Variants in ZNF81 observed in about 807,000 individuals in gnomAD.
The protein encoded by ZNF81 is zinc finger protein 81, also known as zinc finger protein 81 (HFZ20).
Under a neutral mutation model 32.3 loss-of-function variants are expected in ZNF81, and 5 were observed. That is an observed-to-expected ratio of 0.15 (90% CI 0.08 to 0.33). The LOEUF (loss-of-function observed/expected upper bound fraction) is 0.33. ZNF81 is among the 10% of genes least tolerant of loss of function. ZNF81 has a pLI of 1.00. For synonymous variants in ZNF81, 163 were observed against 166.8 expected (o/e 0.98, Z 0.17); for missense variants, 379 against 479.8 (o/e 0.79, Z 1.96).
intron 2 of ZNF81, among the ~76,000 whole-genome samples, chrX:47,852,716 C>T (rs782633899): frequency 1.1e-4 from 12 of 112,730 alleles, no homozygotes; most frequent in Non-Finnish European, 2.1e-4. Flanking sequence ...TCTTGAACCC[C>T]TGAAAGTCAT....
At chrX:47,841,094 A>G in intron 1 of ZNF81, 1 of 860,492 alleles carries the variant, frequency 1.2e-6, no homozygotes, top group Admixed American at 2.2e-5. Flanking sequence ...CTCAAGAACC[A>G]TGAGATCTCC....
intron 3 of ZNF81, among the ~76,000 whole-genome samples, chrX:47,892,480 A>C (rs2058665913): frequency 8.9e-6 from 1 of 112,099 alleles, no homozygotes; most frequent in Admixed American, 9.4e-5. Context: ...CCCCTCCAAC[A>C]GTACAATTCT....
At chrX:47,886,869 T>C (rs1468925914) in intron 2 of ZNF81, among the ~76,000 whole-genome samples, 1 of 111,813 alleles carries the variant, frequency 8.9e-6, no homozygotes, top group East Asian at 2.8e-4. Context: ...CTTGGGTTGC[T>C]CCTTAGTATC....
At chrX:47,897,430 G>A (rs1295127630) in intron 4 of ZNF81, among the ~76,000 whole-genome samples, 1 of 111,775 alleles carries the variant, frequency 8.9e-6, no homozygotes, top group African/African-American at 3.3e-5. Flanking sequence ...TTATTAGTGA[G>A]TTTTAATATA....
intron 1 of ZNF81, among the ~76,000 whole-genome samples, chrX:47,845,639 G>T (rs1225352781): frequency 9.0e-6 from 1 of 111,680 alleles, no homozygotes; most frequent in African/African-American, 3.3e-5. Context: ...CTAATTCTGT[G>T]TGCATAAAAT....
In ZNF81 at chrX:47,924,384, G is replaced by A. The variant is rs1556892418; in HGVS notation, c.*7752G>A. Among the ~76,000 whole-genome samples, 1 of 111,511 alleles carries A rather than the reference G, an allele frequency of 9.0e-6. No homozygotes were observed. Among genetic ancestry groups the A allele is most frequent in the Non-Finnish European group, 1.9e-5 (1 of 53,017 alleles). On this transcript the variant is annotated 3_prime_UTR_variant, in exon 5 of 5. Transcript: ENST00000338637. ...ATTCTTTTTTTATTCTTGAAGTTAA[G>A]GATCTATGGAAGCATATGCTTTGGT...
intron 3 of ZNF81, among the ~76,000 whole-genome samples, chrX:47,891,870 C>T (rs2058663624): frequency 9.0e-6 from 1 of 111,696 alleles, no homozygotes; most frequent in South Asian, 3.7e-4. Flanking sequence ...CTTTGGGGAA[C>T]ACTGGGAGAA....
chrX:47,916,455 T>G lies in ZNF81; in HGVS notation c.1809T>G (p.Ile603Met). ...CACATCTCAAAGTACATCAACGAAT[T>G]CACACAGGGGAGAAACCATATATAT... is the stretch of plus-strand genomic sequence containing the variant. ...KKPHLKVHQR[I>M]HTGEKPYICA... is the part of the protein sequence containing the mutation. The change falls in exon 5 of 5, where the codon ATT becomes ATG. Residue 603 changes from isoleucine to methionine, a missense_variant. Transcript: ENST00000338637. 1 of 1,211,551 alleles carries G rather than the reference T, an allele frequency of 8.3e-7. No individual in the cohort carries two copies. Among genetic ancestry groups the G allele is most frequent in the Non-Finnish European group, 1.1e-6 (1 of 895,397 alleles).
Position 47,916,074 on chromosome X carries a change from G to A in ZNF81, c.1428G>A (p.Gly476=). The part of the protein sequence containing the change: ...GEKPYECSDC[G]KSFPSKSQLQ... The stretch of plus-strand genomic sequence containing the variant: ...AGCCTTATGAATGCAGTGACTGTGG[G>A]AAATCTTTCCCTTCTAAGTCACAAC... The change falls in exon 5 of 5, where the codon GGG becomes GGA. Residue 476 remains glycine (G), a synonymous_variant. Coordinates refer to ENST00000338637, the MANE Select transcript of ZNF81 (RefSeq NM_007137.5). 8.3e-7 allele frequency: 1 copy of A among 1,211,071 alleles called. No homozygotes were observed.
Position 47,846,223 on chromosome X carries a change from G to C in ZNF81, c.-45G>C, listed in dbSNP as rs1556880456. 2 of 1,193,562 alleles carry C rather than the reference G, an allele frequency of 1.7e-6. No homozygotes were observed. Among genetic ancestry groups the C allele is most frequent in the Admixed American group, 4.6e-5 (2 of 43,891 alleles). ...CCGATCCCACTGGAATTATAAAGTT[G>C]TCAGCAAGAAAGCCCCAGGGCTGAA... is the stretch of plus-strand genomic sequence containing the variant. On this transcript the variant is annotated 5_prime_UTR_variant, in exon 2 of 5. Coordinates refer to ENST00000338637, the MANE Select transcript of ZNF81 (RefSeq NM_007137.5).
rs1212036931 is a variant in ZNF81 at position 47,924,369 on chromosome X, T to A, written c.*7737T>A. 8.9e-6 allele frequency among the ~76,000 whole-genome samples: 1 copy of A among 112,283 alleles called. No individual in the cohort carries two copies. The highest frequency in any genetic ancestry group is 1.9e-5 in the Non-Finnish European group (1 of 53,218). On this transcript the variant is annotated 3_prime_UTR_variant, in exon 5 of 5. Coordinates refer to ENST00000338637, the MANE Select transcript of ZNF81 (RefSeq NM_007137.5). ...CCTTTCTGCCATATGATTCTTTTTT[T>A]ATTCTTGAAGTTAAGGATCTATGGA...
intron 4 of ZNF81, among the ~76,000 whole-genome samples, chrX:47,901,452 T>C (rs886859643): frequency 3.6e-4 from 40 of 112,358 alleles, no homozygotes; most frequent in Admixed American, 1.7e-3. Flanking sequence ...TGATTTTTCT[T>C]AGATGCTCTT....
At chrX:47,848,657 AAAAATCC>A (rs2058481199) in intron 2 of ZNF81, among the ~76,000 whole-genome samples, 1 of 110,228 alleles carries the variant, frequency 9.1e-6, no homozygotes, top group Admixed American at 1.0e-4. Context: ...TCCCTAATCC[AAAAATCC>A]AAAATCCAAA....
chrX:47,916,734 C>A lies in ZNF81; in HGVS notation c.*102C>A. 1 of 896,768 alleles carries A rather than the reference C, an allele frequency of 1.1e-6. No homozygotes were observed. Among genetic ancestry groups the A allele is most frequent in the Non-Finnish European group, 1.5e-6 (1 of 668,067 alleles). 73.9% of individuals were successfully genotyped at this position (896,768 alleles called of 1,213,427 possible). A position where few individuals can be genotyped will look rare whatever the true frequency, so the allele number is the denominator to read the frequency against. On this transcript the variant is annotated 3_prime_UTR_variant, in exon 5 of 5. Coordinates refer to ENST00000338637, the MANE Select transcript of ZNF81 (RefSeq NM_007137.5). Reference sequence around the variant, plus strand: ...ATCCAAGACAGATCCTATATGAATACATTGTATAAGGAAAAGCATCAGGCT... The same window carrying A: ...ATCCAAGACAGATCCTATATGAATAAATTGTATAAGGAAAAGCATCAGGCT...
chrX:47,844,793 A>G (rs1197108508), intron 1 of ZNF81, among the ~76,000 whole-genome samples: 1 of 112,273 alleles, frequency 8.9e-6, no homozygotes, highest in Non-Finnish European at 1.9e-5. Flanking sequence ...TTACAATCCA[A>G]CCAGCAATGT....
At chrX:47,873,725 G>A (rs1339402729) in intron 2 of ZNF81, among the ~76,000 whole-genome samples, 1 of 111,589 alleles carries the variant, frequency 9.0e-6, no homozygotes, top group Non-Finnish European at 1.9e-5. Context: ...GGAGTGCAGC[G>A]GCACAATCTC....
chrX:47,910,520 T>G (rs977260259), intron 4 of ZNF81, among the ~76,000 whole-genome samples: 4 of 111,601 alleles, frequency 3.6e-5, no homozygotes, highest in Non-Finnish European at 7.5e-5. Context: ...GAAATGCAAA[T>G]CAAAACCACA....
At chrX:47,850,679 T>A (rs1381785579) in intron 2 of ZNF81, among the ~76,000 whole-genome samples, 4 of 105,574 alleles carry the variant, frequency 3.8e-5, no homozygotes, top group Non-Finnish European at 7.8e-5. Flanking sequence ...ATTGTGGTGG[T>A]AATTAGGTTG....
chrX:47,869,680 T>C (rs782092170), intron 2 of ZNF81, among the ~76,000 whole-genome samples: 3 of 110,567 alleles, frequency 2.7e-5, no homozygotes, highest in African/African-American at 9.9e-5. Flanking sequence ...TTTTTTTTTA[T>C]TTTGTTTTGT....
Sources: gnomAD v4.1 joint callset for allele counts (sites outside exome capture counted in the v4.1 genomes callset) on GRCh38, gnomAD v4.1.1 for gene constraint, MANE v1.5 for transcripts, NCBI Gene and HGNC (gene_info 2026-07-23, HGNC 2026-07-21) for gene names.